The following DNAH17 variants were observed in gnomAD, a reference collection of about 807,000 sequenced individuals.
DNAH17 encodes the protein axonemal beta dynein heavy chain 17.
Under a neutral mutation model 485.6 loss-of-function variants are expected in DNAH17, and 376 were observed. The ratio of observed to expected loss-of-function variants is 0.77; its 90% CI spans 0.71 to 0.84. DNAH17 has a LOEUF of 0.84. DNAH17 is among the 40% of genes least tolerant of loss of function. The pLI is 0.00. For missense variants in DNAH17, 6,370 were observed against 5,839.3 expected (o/e 1.09, Z -2.96); for synonymous variants, 3,031 against 2,405.9 (o/e 1.26, Z -7.60).
chr17:78,463,595 T>C (rs184976453), intron 56 of DNAH17, among the ~76,000 whole-genome samples: 31 of 152,356 alleles, frequency 2.0e-4, no homozygotes, highest in Admixed American at 3.9e-4. Context: ...TACCTGCCTA[T>C]ATGCACGTGC....
chr17:78,507,278 C>A lies in DNAH17; in HGVS notation c.4676G>T (p.Ser1559Ile). Residue 1559 changes from serine to isoleucine, a missense_variant and splice_region_variant, in exon 29 of 81, where the codon AGC (serine) becomes ATC (isoleucine). Coordinates refer to ENST00000389840, the MANE Select transcript of DNAH17 (RefSeq NM_173628.4). ...LYNKLEALKK[S>I]LAICEKALAE... is the part of the protein sequence containing the mutation. Reference sequence around the variant, plus strand: ...TGGTCTGGATAGGTGTGAGCCGCACCTCTTCTTCAGGGCCTCCAGTTTATT... The same window carrying A: ...TGGTCTGGATAGGTGTGAGCCGCACATCTTCTTCAGGGCCTCCAGTTTATT... The A allele has an allele frequency of 6.2e-7, 1 of 1,613,972 alleles. No individual in the cohort carries two copies. The highest frequency in any genetic ancestry group is 8.5e-7 in the Non-Finnish European group (1 of 1,179,894).
intron 16 of DNAH17, among the ~76,000 whole-genome samples, chr17:78,549,550 C>G (rs1021077260): frequency 6.6e-6 from 1 of 152,208 alleles, no homozygotes; most frequent in African/African-American, 2.4e-5. Flanking sequence ...ACCCAACTAC[C>G]GGGCTTCAGC....
At position 78,445,610 on chromosome 17, in the gene DNAH17, C is replaced by T; in HGVS notation, c.11282G>A (p.Gly3761Glu). 3.2e-6 allele frequency: 5 copies of T among 1,565,910 alleles called. No homozygotes were observed. The highest frequency in any genetic ancestry group is 2.4e-5 in the East Asian group (1 of 41,976). ...GAGGAAGTCCACTGGTGAGACCACT[C>T]CGGCCTTAAAAGGGAACCGCAGGAG... ...DFLLRFPFKA[G>E]VVSPVDFLQH... is the part of the protein sequence containing the mutation. Residue 3761 changes from glycine (G) to glutamate (E), a missense_variant, in exon 70 of 81, where the codon GGA (glycine) becomes GAA (glutamate). By Grantham distance (98) the Gly-to-Glu change is moderately conservative. Transcript: ENST00000389840.
chr17:78,537,277 G>T, intron 19 of DNAH17, 22 bp downstream of exon 19: 1 of 1,550,564 alleles, frequency 6.4e-7, no homozygotes, highest in South Asian at 1.2e-5. Flanking sequence ...CCTGTGTACG[G>T]CCAGAAGAGG....
chr17:78,494,782 C>T lies in DNAH17; in HGVS notation c.6081G>A (p.Val2027=), dbSNP rs368928444. 742 of 1,612,930 alleles carry T rather than the reference C, an allele frequency of 4.6e-4. 5 individuals carry two copies. In the African/African-American group the frequency reaches 8.8e-3, roughly 19 times the overall value. ...TCTTCAGGGAGCCGGCCACCACCAGCACAGACTTGATGGCTCTCAGGCCCC... is the reference window on the plus strand; with the variant it reads ...TCTTCAGGGAGCCGGCCACCACCAGTACAGACTTGATGGCTCTCAGGCCCC... ...YDWGLRAIKS[V]LVVAGSLKRG... Residue 2027 remains valine, a synonymous_variant, in exon 40 of 81, where the codon GTG becomes GTA. Transcript: ENST00000389840.
rs1485650790 is a variant in DNAH17, at chr17:78,444,702, C to T, written c.11430G>A (p.Glu3810=). 1 of 1,609,200 alleles carries T rather than the reference C, an allele frequency of 6.2e-7. No individual in the cohort carries two copies. The highest frequency in any genetic ancestry group is 8.5e-7 in the Non-Finnish European group (1 of 1,178,546). ...TCCACTCCTTGGGGAAGATCTCCTT[C>T]TCGGGGGCTTCCGACTCCACCAGCT... ...WKKLVESEAP[E]KEIFPKEWKN... The change falls in exon 71 of 81, where the codon GAG becomes GAA. Residue 3810 remains glutamate, a synonymous_variant. Transcript: ENST00000389840.
At chr17:78,539,969 T>C (rs2091477695) in intron 17 of DNAH17, 89 bp from the exon 18 acceptor site, 10 of 1,333,862 alleles carry the variant, frequency 7.5e-6, no homozygotes, top group Non-Finnish European at 9.8e-6. Flanking sequence ...GGACCGCCCG[T>C]CCATGTTCAC....
intron 63 of DNAH17, 65 bp downstream of exon 63, chr17:78,455,579 G>T: frequency 7.8e-7 from 1 of 1,282,856 alleles, no homozygotes; most frequent in South Asian, 1.7e-5. Flanking sequence ...CGCCCGCCTC[G>T]GCCTCCCAAA....
chr17:78,541,385 A>T (rs1236007848), intron 17 of DNAH17, among the ~76,000 whole-genome samples: 2 of 145,878 alleles, frequency 1.4e-5, no homozygotes, highest in African/African-American at 2.6e-5. Flanking sequence ...AAGTGGATGG[A>T]TGGATGGATG....
Position 78,494,950 on chromosome 17 carries a change from C to G in DNAH17, c.6042+9G>C. The G allele has an allele frequency of 6.2e-7, 1 of 1,607,780 alleles. No homozygotes were observed. Among genetic ancestry groups the G allele is most frequent in the Non-Finnish European group, 8.5e-7 (1 of 1,175,254 alleles). The stretch of plus-strand genomic sequence containing the variant: ...CCCACACCCGCCGTGAGCTCCAGGA[C>G]ACACACACCTGCTTCGAGAGCAGCT... On this transcript the variant is annotated intron_variant, in intron 39 of 80. Transcript: ENST00000389840.
chr17:78,439,540 AT>A (rs1246118034), intron 72 of DNAH17, among the ~76,000 whole-genome samples: 1 of 151,678 alleles, frequency 6.6e-6, no homozygotes, highest in East Asian at 1.9e-4. Flanking sequence ...GTCTCCATGG[AT>A]TTATCCATTC....
intron 9 of DNAH17, among the ~76,000 whole-genome samples, chr17:78,568,112 G>C (rs540764123): frequency 3.5e-4 from 53 of 152,082 alleles, no homozygotes; most frequent in Non-Finnish European, 4.4e-4. Flanking sequence ...AGCTGGCATG[G>C]CCTGTTGTCA....
intron 19 of DNAH17, among the ~76,000 whole-genome samples, chr17:78,536,293 A>C (rs1244289634): frequency 6.6e-6 from 1 of 151,888 alleles, no homozygotes; most frequent in African/African-American, 2.4e-5. Context: ...TATAAAAAAA[A>C]AGAAAAATTA....
intron 35 of DNAH17, 26 bp downstream of exon 35, chr17:78,501,158 G>A (rs377264599): frequency 2.6e-6 from 4 of 1,557,114 alleles, no homozygotes; most frequent in South Asian, 1.2e-5. Flanking sequence ...AAGAGCACAT[G>A]TGAGTTACTC....
At chr17:78,471,382 G>C (rs1356637687) in intron 54 of DNAH17, among the ~76,000 whole-genome samples, 17 of 152,340 alleles carry the variant, frequency 1.1e-4, no homozygotes, top group South Asian at 2.1e-4. Context: ...TATGTCCTTG[G>C]ACCCTGCCTC....
At chr17:78,500,992 C>T in intron 35 of DNAH17, 192 bp downstream of exon 35, 3 of 565,720 alleles carry the variant, frequency 5.3e-6, no homozygotes, top group East Asian at 3.3e-5. Context: ...GGTGCAGGAA[C>T]TCTCCCAAGG....
chr17:78,514,773 C>G lies in DNAH17; in HGVS notation c.4113+1G>C. On this transcript the variant is annotated splice_donor_variant, in intron 26 of 80. Coordinates refer to ENST00000389840, the MANE Select transcript of DNAH17 (RefSeq NM_173628.4). LOFTEE classifies it high-confidence loss of function. The stretch of plus-strand genomic sequence containing the variant: ...CCTCCGCCCACCATGGTGCATGGTA[C>G]CTGGGTGGCCTGCATGAGCTGCTGC... The G allele has an allele frequency of 1.2e-6, 2 of 1,613,644 alleles. No homozygotes were observed. Among genetic ancestry groups the G allele is most frequent in the East Asian group, 4.5e-5 (2 of 44,864 alleles).
chr17:78,573,355 T>C (rs565606028), intron 2 of DNAH17, among the ~76,000 whole-genome samples: 3 of 152,072 alleles, frequency 2.0e-5, no homozygotes, highest in South Asian at 4.2e-4. Context: ...TCCTAGGACT[T>C]AGGGAGGCCG....
At chr17:78,491,973 G>A (rs1043068325) in intron 42 of DNAH17, among the ~76,000 whole-genome samples, 5 of 152,224 alleles carry the variant, frequency 3.3e-5, no homozygotes, top group Non-Finnish European at 5.9e-5. Flanking sequence ...GGAGCAAGGT[G>A]GGGGCTGGGG....
Sources: allele counts gnomAD v4.1 joint callset (sites outside exome capture counted in the v4.1 genomes callset), GRCh38; gene constraint gnomAD v4.1.1; transcripts MANE v1.5; gene names NCBI Gene and HGNC (gene_info 2026-07-23, HGNC 2026-07-21).